BCKDHB: variants seen among roughly 807,000 people sequenced by gnomAD.
The protein encoded by BCKDHB is 2-oxoisovalerate dehydrogenase subunit beta, mitochondrial.
Under a neutral mutation model 48.5 loss-of-function variants are expected in BCKDHB, and 41 were observed. That is an observed-to-expected ratio of 0.85 (90% CI 0.66 to 1.10). BCKDHB has a LOEUF of 1.10. Ranked by LOEUF, BCKDHB falls within the 50% of genes least tolerant of loss-of-function variation. The pLI, the probability that BCKDHB is intolerant of heterozygous loss-of-function variation, is 0.00. For synonymous variants in BCKDHB, 201 were observed against 174.8 expected, an observed-to-expected ratio of 1.15 and a Z score of -1.18; for missense variants, 496 against 494.2, an observed-to-expected ratio of 1.00 and a Z score of -0.03.
At chr6:80,149,634 A>G (rs1291121020) in intron 3 of BCKDHB, among the ~76,000 whole-genome samples, 1 of 151,356 alleles carries the variant, frequency 6.6e-6, no homozygotes, top group Non-Finnish European at 1.5e-5. Flanking sequence ...TACACCATGG[A>G]ATACTATGCA....
intron 8 of BCKDHB, among the ~76,000 whole-genome samples, chr6:80,268,348 AC>A (rs1452592858): frequency 1.3e-5 from 2 of 152,122 alleles, no homozygotes; most frequent in Admixed American, 6.6e-5. Flanking sequence ...CTATGATTTT[AC>A]CATTAGTTGT....
chr6:80,160,961 C>T (rs1772282889), intron 3 of BCKDHB, among the ~76,000 whole-genome samples: 1 of 150,976 alleles, frequency 6.6e-6, no homozygotes, highest in South Asian at 2.1e-4. Context: ...ATTCAGCTAT[C>T]TGAGTTTAGA....
chr6:80,178,372 A>G (rs1253314170), intron 6 of BCKDHB, among the ~76,000 whole-genome samples: 1 of 152,242 alleles, frequency 6.6e-6, no homozygotes, highest in African/African-American at 2.4e-5. Context: ...TGACGAATAC[A>G]TAATCTTGGC....
intron 8 of BCKDHB, among the ~76,000 whole-genome samples, chr6:80,229,398 A>G (rs1775813243): frequency 6.6e-6 from 1 of 152,220 alleles, no homozygotes. Context: ...TGGCAGCATG[A>G]TAGCATGTGC....
chr6:80,155,936 G>T (rs1482565760), intron 3 of BCKDHB, among the ~76,000 whole-genome samples: 1 of 148,804 alleles, frequency 6.7e-6, no homozygotes, highest in Non-Finnish European at 1.5e-5. Flanking sequence ...TTCTAAAATA[G>T]TGCTTTTAAA....
chr6:80,335,247 A>AAAGAG (rs1554215008), intron 9 of BCKDHB, among the ~76,000 whole-genome samples: 57,961 of 144,652 alleles, frequency 0.4, 14,107 homozygotes, highest in Admixed American at 0.57. Flanking sequence ...AAAAAAAAAA[A>AAAGAG]GAAGAAAAAT....
the BCKDHB span, among the ~76,000 whole-genome samples, chr6:80,366,232 A>T: frequency 1.3e-5 from 2 of 152,202 alleles, no homozygotes; most frequent in South Asian, 4.1e-4. Flanking sequence ...TGTTGAGAGG[A>T]ATATCTTTCA....
chr6:80,463,608 T>G, the BCKDHB span, among the ~76,000 whole-genome samples: 1 of 152,142 alleles, frequency 6.6e-6, no homozygotes, highest in East Asian at 1.9e-4. Flanking sequence ...TTCCAAAATT[T>G]GAAAGGTTCT....
At chr6:80,226,756 G>A (rs1036210661) in intron 8 of BCKDHB, among the ~76,000 whole-genome samples, 2 of 152,146 alleles carry the variant, frequency 1.3e-5, no homozygotes, top group Non-Finnish European at 2.9e-5. Flanking sequence ...CCTGCCTTCA[G>A]CGTTTTTGAG....
chr6:80,277,968 T>C (rs1778037714), intron 9 of BCKDHB, among the ~76,000 whole-genome samples: 1 of 152,184 alleles, frequency 6.6e-6, no homozygotes, highest in African/African-American at 2.4e-5. Flanking sequence ...AGAAGGATTT[T>C]TTCTTATAAA....
At chr6:80,286,941 A>G (rs527570219) in intron 9 of BCKDHB, among the ~76,000 whole-genome samples, 1 of 152,274 alleles carries the variant, frequency 6.6e-6, no homozygotes, top group East Asian at 1.9e-4. Context: ...CTGTCTATCA[A>G]GTAGAGCTGG....
At chr6:80,278,880 T>C (rs938684087) in intron 9 of BCKDHB, among the ~76,000 whole-genome samples, 1 of 152,198 alleles carries the variant, frequency 6.6e-6, no homozygotes, top group Non-Finnish European at 1.5e-5. Flanking sequence ...TCTTGAAACC[T>C]TCAAATTTGA....
chr6:80,374,620 T>A, the BCKDHB span: 1 of 554,214 alleles, frequency 1.8e-6, no homozygotes, highest in Admixed American at 2.9e-5. Flanking sequence ...CTATATCTTT[T>A]AAGTGGAGCA....
the BCKDHB span, among the ~76,000 whole-genome samples, chr6:80,364,418 A>G: frequency 1.3e-5 from 2 of 152,176 alleles, no homozygotes; most frequent in Non-Finnish European, 2.9e-5. Context: ...GAGGGAGGAG[A>G]TCCAGGTCTA....
At chr6:80,396,050 G>C in the BCKDHB span, among the ~76,000 whole-genome samples, 7 of 152,190 alleles carry the variant, frequency 4.6e-5, no homozygotes, top group Non-Finnish European at 8.8e-5. Flanking sequence ...GTTTGCTGTA[G>C]AGGCAGAGCC....
chr6:80,185,770 G>C (rs1477887214), intron 6 of BCKDHB, among the ~76,000 whole-genome samples: 6 of 152,196 alleles, frequency 3.9e-5, no homozygotes, highest in African/African-American at 1.2e-4. Flanking sequence ...CCTGTGAGGT[G>C]ATATGTCTTC....
intron 9 of BCKDHB, among the ~76,000 whole-genome samples, chr6:80,292,842 G>A (rs1767002183): frequency 6.6e-6 from 1 of 152,130 alleles, no homozygotes; most frequent in Admixed American, 6.5e-5. Flanking sequence ...ACAGAAGTTG[G>A]CCAAAACAGA....
At chr6:80,339,084 G>A (rs1272988079) in intron 9 of BCKDHB, among the ~76,000 whole-genome samples, 3 of 152,130 alleles carry the variant, frequency 2.0e-5, no homozygotes, top group Non-Finnish European at 4.4e-5. Flanking sequence ...TAACTCCAGT[G>A]ACACTGTGAC....
At chr6:80,331,372 A>G (rs9448927) in intron 9 of BCKDHB, among the ~76,000 whole-genome samples, 6,187 of 152,312 alleles carry the variant, frequency 0.041, 427 homozygotes, top group African/African-American at 0.14. Context: ...ATGACATTAA[A>G]TAATAGATTT....
Sources: gnomAD v4.1 joint callset for allele counts (sites outside exome capture counted in the v4.1 genomes callset) on GRCh38, gnomAD v4.1.1 for gene constraint, MANE v1.5 for transcripts, NCBI Gene and HGNC (gene_info 2026-07-23, HGNC 2026-07-21) for gene names.